NRXN1: variants seen among roughly 807,000 people sequenced by gnomAD.
The protein encoded by NRXN1 is neurexin-1.
In NRXN1, 39 loss-of-function variants were observed where a neutral mutation model predicts 150.9. That is an observed-to-expected ratio of 0.26 (90% CI 0.20 to 0.34). The LOEUF is 0.34. Among genes scored for constraint, NRXN1 ranks in the 10% least tolerant of loss-of-function variants. NRXN1 has a pLI of 1.00. For missense variants in NRXN1, 1,815 were observed against 1,949.9 expected, an observed-to-expected ratio of 0.93 and a Z score of 1.30; for synonymous variants, 924 against 757.0, an observed-to-expected ratio of 1.22 and a Z score of -3.62.
intron 21 of NRXN1, among the ~76,000 whole-genome samples, chr2:50,016,315 G>A (rs561233257): frequency 6.6e-6 from 1 of 152,052 alleles, no homozygotes; most frequent in Non-Finnish European, 1.5e-5. Context: ...CTTTCTTTGC[G>A]TTTAGTCAAC....
At position 50,801,452 on chromosome 2, in the gene NRXN1, T is replaced by C. The variant is rs906679041; in HGVS notation, c.832+120417A>G. ...TGTGAATATCTCTTAGAGAAAAAAA[T>C]ATCATAGTTACATAATGATGCAGGA... On this transcript the variant is annotated intron_variant, in intron 5 of 22. Coordinates refer to ENST00000401669, the MANE Select transcript of NRXN1 (RefSeq NM_001330078.2). 1.1e-4 allele frequency among the ~76,000 whole-genome samples: 16 copies of C among 152,218 alleles called. No individual in the cohort carries two copies. The East Asian group carries it at 2.5e-3, about 24-fold the overall frequency.
chr2:50,024,974 A>T (rs939413623), intron 21 of NRXN1, among the ~76,000 whole-genome samples: 2 of 152,146 alleles, frequency 1.3e-5, no homozygotes, highest in East Asian at 3.9e-4. Flanking sequence ...CTAGCTGATG[A>T]ATGAGATTCA....
chr2:50,679,566 G>A (rs1574073447), intron 5 of NRXN1, among the ~76,000 whole-genome samples: 2 of 152,226 alleles, frequency 1.3e-5, no homozygotes, highest in African/African-American at 4.8e-5. Context: ...GAGATGATCT[G>A]TGATTACTCA....
intron 17 of NRXN1, among the ~76,000 whole-genome samples, chr2:50,270,001 G>C (rs779372598): frequency 2.0e-5 from 3 of 151,848 alleles, no homozygotes; most frequent in African/African-American, 4.8e-5. Context: ...TAAATTATTA[G>C]ATTAAATTAA....
chr2:50,166,459 A>C (rs1013045736), intron 18 of NRXN1, among the ~76,000 whole-genome samples: 3 of 152,072 alleles, frequency 2.0e-5, no homozygotes, highest in African/African-American at 7.2e-5. Flanking sequence ...GAAGCTTGGA[A>C]GCAGTTTCAT....
At chr2:50,387,982 A>T (rs2081432836) in intron 17 of NRXN1, among the ~76,000 whole-genome samples, 1 of 152,184 alleles carries the variant, frequency 6.6e-6, no homozygotes, top group Non-Finnish European at 1.5e-5. Flanking sequence ...ATTAATCACA[A>T]TTAAATTTCT....
Position 50,614,640 on chromosome 2 carries a change from A to T in NRXN1, c.1320+5382T>A, listed in dbSNP as rs865874980. On this transcript the variant is annotated intron_variant, in intron 8 of 22. Coordinates refer to ENST00000401669, the MANE Select transcript of NRXN1 (RefSeq NM_001330078.2). ...ACCCTAGAACTTAAAGTATAATAAA[A>T]ATATATATATATATATATAAAATAA... 5.1e-4 allele frequency among the ~76,000 whole-genome samples: 73 copies of T among 143,320 alleles called. No homozygotes were observed. In the Middle Eastern group the frequency reaches 0.018, roughly 35 times the overall value. The allele number at this position is 143,320 out of a possible 152,430, so 94.0% of individuals were successfully genotyped here. A position where few individuals can be genotyped will look rare whatever the true frequency, so the allele number is the denominator to read the frequency against.
At chr2:50,994,179 G>C (rs1353889318) in intron 2 of NRXN1, among the ~76,000 whole-genome samples, 1 of 151,926 alleles carries the variant, frequency 6.6e-6, no homozygotes, top group East Asian at 1.9e-4. Flanking sequence ...CAGTCTTATA[G>C]AGTTGATCCC....
At chr2:50,422,379 T>A (rs1456312509) in intron 17 of NRXN1, among the ~76,000 whole-genome samples, 1 of 152,152 alleles carries the variant, frequency 6.6e-6, no homozygotes, top group Non-Finnish European at 1.5e-5. Flanking sequence ...GGGCTGATTA[T>A]TTTCCCAGAG....
chr2:50,608,321 A>G (rs554298165), intron 8 of NRXN1, among the ~76,000 whole-genome samples: 12 of 152,254 alleles, frequency 7.9e-5, no homozygotes, highest in Admixed American at 1.3e-4. Flanking sequence ...TAATATGTAT[A>G]TTAAATCACT....
At chr2:50,828,193 C>G (rs886394720) in intron 5 of NRXN1, among the ~76,000 whole-genome samples, 1 of 148,794 alleles carries the variant, frequency 6.7e-6, no homozygotes, top group African/African-American at 2.5e-5. Flanking sequence ...CGGGCAGAGG[C>G]ACCCCTCACC....
intron 8 of NRXN1, among the ~76,000 whole-genome samples, chr2:50,611,148 G>A (rs1410172329): frequency 6.6e-6 from 1 of 151,428 alleles, no homozygotes; most frequent in African/African-American, 2.4e-5. Context: ...GGTAGGTGCT[G>A]AAATTAAGAG....
intron 5 of NRXN1, among the ~76,000 whole-genome samples, chr2:50,731,820 A>C (rs1454165915): frequency 6.6e-6 from 1 of 152,216 alleles, no homozygotes; most frequent in Non-Finnish European, 1.5e-5. Flanking sequence ...CAGTTTGTAC[A>C]TTTAAAATTC....
intron 5 of NRXN1, among the ~76,000 whole-genome samples, chr2:50,627,357 ATGTGTG>A (rs34870955): frequency 0.16 from 23,134 of 143,420 alleles, 2,206 homozygotes; most frequent in East Asian, 0.43. Context: ...TGGTTCATGT[ATGTGTG>A]TGTGTGTGTG....
chr2:50,219,244 T>C (rs2063623720), intron 18 of NRXN1, among the ~76,000 whole-genome samples: 1 of 151,978 alleles, frequency 6.6e-6, no homozygotes, highest in South Asian at 2.1e-4. Context: ...GTTCTGTGAG[T>C]ACACTACTTC....
At chr2:50,389,492 C>A (rs1261024412) in intron 17 of NRXN1, among the ~76,000 whole-genome samples, 1 of 151,586 alleles carries the variant, frequency 6.6e-6, no homozygotes, top group Non-Finnish European at 1.5e-5. Flanking sequence ...GTCATTGATA[C>A]AAGTAAATCT....
chr2:50,688,642 T>G (rs149156671), intron 5 of NRXN1, among the ~76,000 whole-genome samples: 2,336 of 152,304 alleles, frequency 0.015, 55 homozygotes, highest in African/African-American at 0.053. Context: ...GGAGATAGCA[T>G]CCGTTATCTT....
chr2:50,062,572 G>C (rs924364976), intron 19 of NRXN1, among the ~76,000 whole-genome samples: 1 of 152,164 alleles, frequency 6.6e-6, no homozygotes, highest in South Asian at 2.1e-4. Context: ...GCAGACTTCC[G>C]GGAAATGAGA....
At chr2:50,821,833 T>C (rs191810540) in intron 5 of NRXN1, among the ~76,000 whole-genome samples, 144 of 152,190 alleles carry the variant, frequency 9.5e-4, no homozygotes, top group Middle Eastern at 3.4e-3. Flanking sequence ...GGTGGACAAA[T>C]AAGTAGGCTC....
Sources: allele counts gnomAD v4.1 joint callset (sites outside exome capture counted in the v4.1 genomes callset), GRCh38; gene constraint gnomAD v4.1.1; transcripts MANE v1.5; gene names NCBI Gene and HGNC (gene_info 2026-07-23, HGNC 2026-07-21).